Variants in ARB2A observed in about 807,000 individuals in gnomAD.
ARB2A encodes ARB2 cotranscriptional regulator A, also known as cotranscriptional regulator ARB2A.
chr5:93,836,867 CT>C, the ARB2A span, among the ~76,000 whole-genome samples: 1 of 152,256 alleles, frequency 6.6e-6, no homozygotes, highest in East Asian at 1.9e-4. Context: ...CAAGATTCAA[CT>C]TTAAACATAA....
chr5:93,760,130 C>G, the ARB2A span, among the ~76,000 whole-genome samples: 1 of 152,100 alleles, frequency 6.6e-6, no homozygotes, highest in African/African-American at 2.4e-5. Flanking sequence ...AAATCAAGAA[C>G]TCAACCCCTT....
chr5:93,671,218 T>G, the ARB2A span, among the ~76,000 whole-genome samples: 6,416 of 152,270 alleles, frequency 0.042, 412 homozygotes, highest in African/African-American at 0.15. Context: ...TACACTGTCA[T>G]CATTTCTGTT....
the ARB2A span, among the ~76,000 whole-genome samples, chr5:93,957,839 C>T: frequency 0.012 from 1,883 of 151,976 alleles, 40 homozygotes; most frequent in African/African-American, 0.043. Flanking sequence ...TAATTACAAA[C>T]GTAATAATTC....
the ARB2A span, among the ~76,000 whole-genome samples, chr5:94,006,849 G>A: frequency 1.3e-5 from 2 of 152,120 alleles, no homozygotes; most frequent in Non-Finnish European, 2.9e-5. Flanking sequence ...CAGCAATAAC[G>A]AAGTATTTTA....
the ARB2A span, among the ~76,000 whole-genome samples, chr5:93,867,891 A>G: frequency 4.6e-5 from 7 of 152,304 alleles, no homozygotes; most frequent in Non-Finnish European, 1.0e-4. Flanking sequence ...TATTAAATTA[A>G]TGAAAATATT....
At chr5:93,793,988 G>A in the ARB2A span, among the ~76,000 whole-genome samples, 33 of 152,258 alleles carry the variant, frequency 2.2e-4, no homozygotes, top group African/African-American at 7.9e-4. Flanking sequence ...TGATGGGACT[G>A]ACAGCTGAAG....
chr5:93,960,825 G>A, the ARB2A span, among the ~76,000 whole-genome samples: 1 of 152,110 alleles, frequency 6.6e-6, no homozygotes, highest in African/African-American at 2.4e-5. Context: ...AAAAATACAG[G>A]AAGAGAGATA....
chr5:93,836,030 A>C, the ARB2A span, among the ~76,000 whole-genome samples: 2 of 151,936 alleles, frequency 1.3e-5, no homozygotes, highest in African/African-American at 4.8e-5. Context: ...TGAAAGAAAA[A>C]ATTTTTTTTT....
the ARB2A span, among the ~76,000 whole-genome samples, chr5:93,984,778 C>T: frequency 6.6e-6 from 1 of 152,002 alleles, no homozygotes; most frequent in Non-Finnish European, 1.5e-5. Flanking sequence ...AATACAGGTG[C>T]ACAATACATG....
the ARB2A span, among the ~76,000 whole-genome samples, chr5:93,959,402 TTAAA>T: frequency 6.6e-6 from 1 of 152,086 alleles, no homozygotes; most frequent in African/African-American, 2.4e-5. Context: ...CTTAGGGAGT[TTAAA>T]TAAGTTGCCC....
At chr5:93,990,421 T>C in the ARB2A span, among the ~76,000 whole-genome samples, 1 of 151,982 alleles carries the variant, frequency 6.6e-6, no homozygotes, top group Non-Finnish European at 1.5e-5. Flanking sequence ...TGGAGAGTTT[T>C]AACAATTTAA....
chr5:93,938,763 T>C, the ARB2A span, among the ~76,000 whole-genome samples: 1 of 152,172 alleles, frequency 6.6e-6, no homozygotes, highest in Non-Finnish European at 1.5e-5. Context: ...TATACAAGCT[T>C]TGATGTTATA....
the ARB2A span, among the ~76,000 whole-genome samples, chr5:94,024,138 T>A: frequency 2.6e-5 from 4 of 152,162 alleles, no homozygotes; most frequent in Non-Finnish European, 4.4e-5. Context: ...ATGGGCCACA[T>A]TGTACAGATA....
At chr5:93,712,662 T>C in the ARB2A span, among the ~76,000 whole-genome samples, 2 of 151,964 alleles carry the variant, frequency 1.3e-5, no homozygotes, top group African/African-American at 4.8e-5. Flanking sequence ...CAATTCAAAA[T>C]TGAAATAAGA....
the ARB2A span, among the ~76,000 whole-genome samples, chr5:93,958,365 A>G: frequency 6.6e-6 from 1 of 152,066 alleles, no homozygotes; most frequent in Non-Finnish European, 1.5e-5. Flanking sequence ...TTTAGTTTCT[A>G]ACTTTACCAA....
At chr5:93,662,104 C>T in the ARB2A span, among the ~76,000 whole-genome samples, 22 of 152,180 alleles carry the variant, frequency 1.4e-4, no homozygotes, top group African/African-American at 5.3e-4. Flanking sequence ...CTCACAATAC[C>T]CCATACCAGA....
the ARB2A span, among the ~76,000 whole-genome samples, chr5:93,752,080 C>T: frequency 6.6e-6 from 1 of 152,056 alleles, no homozygotes; most frequent in Non-Finnish European, 1.5e-5. Flanking sequence ...AGAGGCTAAG[C>T]CAGATGAGAA....
the ARB2A span, among the ~76,000 whole-genome samples, chr5:93,910,322 C>T: frequency 6.6e-6 from 1 of 150,656 alleles, no homozygotes; most frequent in Non-Finnish European, 1.5e-5. Flanking sequence ...ACATCTGATA[C>T]AAAAGAATAT....
chr5:93,933,624 G>A, the ARB2A span, among the ~76,000 whole-genome samples: 2 of 152,064 alleles, frequency 1.3e-5, no homozygotes, highest in Non-Finnish European at 2.9e-5. Context: ...GACACAAGGA[G>A]GGGAATATCA....
Sources: allele counts gnomAD v4.1 joint callset (sites outside exome capture counted in the v4.1 genomes callset), GRCh38; gene constraint gnomAD v4.1.1; transcripts MANE v1.5; gene names NCBI Gene and HGNC (gene_info 2026-07-23, HGNC 2026-07-21).